PITRM1: variants seen among roughly 807,000 people sequenced by gnomAD.
The protein encoded by PITRM1 is presequence protease, mitochondrial.
Under a neutral mutation model 129.9 loss-of-function variants are expected in PITRM1, and 100 were observed. The observed-to-expected ratio is 0.77, with a 90% CI of 0.65 to 0.91. PITRM1 has a LOEUF of 0.91. Ranked by LOEUF, PITRM1 falls within the 40% of genes least tolerant of loss-of-function variation. PITRM1 has a pLI of 0.00. For missense variants in PITRM1, 1,471 were observed against 1,318.3 expected (o/e 1.12, Z -1.79); for synonymous variants, 591 against 508.8 (o/e 1.16, Z -2.17).
chr10:3,144,815 A>C (rs896787361), intron 21 of PITRM1, among the ~76,000 whole-genome samples: 1 of 152,234 alleles, frequency 6.6e-6, no homozygotes, highest in African/African-American at 2.4e-5. Flanking sequence ...AAAATAACAA[A>C]AACTAAAAAA....
intron 8 of PITRM1, 75 bp from the exon 9 acceptor site, chr10:3,160,011 C>T (rs188203117): frequency 2.3e-5 from 29 of 1,239,410 alleles, no homozygotes; most frequent in South Asian, 5.2e-5. Context: ...TCTGGATACA[C>T]GAAATGGAGC....
rs148075535 is a variant in PITRM1 at position 3,150,142 on chromosome 10, C to T, written c.1739-389G>A. The stretch of plus-strand genomic sequence containing the variant: ...CAGGCCCTGCCACCCTCTGGCCCCA[C>T]AACAGAAGGCTGCCCCAGGGCCCCA... On this transcript the variant is annotated intron_variant, in intron 15 of 26. Coordinates refer to ENST00000224949, the MANE Select transcript of PITRM1 (RefSeq NM_014889.4). 2.7e-3 allele frequency among the ~76,000 whole-genome samples: 404 copies of T among 152,222 alleles called. 4 individuals carry two copies. The highest frequency in any genetic ancestry group is 0.017 in the Middle Eastern group (5 of 294).
rs570447323 is a variant in PITRM1 at position 3,147,625 on chromosome 10, G to A, written c.2182C>T (p.Arg728Trp). 45 of 1,614,006 alleles carry A rather than the reference G, an allele frequency of 2.8e-5. No homozygotes were observed. The East Asian group carries it at 2.9e-4, about 10-fold the overall frequency. Residue 728 changes from arginine to tryptophan, a missense_variant, in exon 19 of 27, where the codon CGG (arginine) becomes TGG (tryptophan). Physicochemically the swap from Arg to Trp is moderately radical, Grantham distance 101. Coordinates refer to ENST00000224949, the MANE Select transcript of PITRM1 (RefSeq NM_014889.4). ...GHLYASIRAG[R>W]TLTPAGDLQE... ...AGGTCCCCTGCGGGCGTGAGGGTCC[G>A]GCCTGCCCTGATGGATGCGTACAGG...
chr10:3,144,738 A>C (rs1840670377), intron 21 of PITRM1, among the ~76,000 whole-genome samples: 1 of 152,140 alleles, frequency 6.6e-6, no homozygotes, highest in South Asian at 2.1e-4. Flanking sequence ...CCAGGAGGTC[A>C]CGGCTACAGC....
chr10:3,161,941 A>C (rs967014369), intron 7 of PITRM1, among the ~76,000 whole-genome samples: 1 of 151,862 alleles, frequency 6.6e-6, no homozygotes, highest in African/African-American at 2.4e-5. Context: ...TTGGGAGGTC[A>C]AGGTGGGCAG....
In PITRM1 at chr10:3,138,764, C is replaced by CA. The variant is rs778489586; in HGVS notation, c.2917+139dup. ...ATGTCAGGAAGCGTGTTTAGGGTGT[C>CA]AGACGTGGAAATCGTATCACAAGCA... On this transcript the variant is annotated intron_variant, in intron 25 of 26. Coordinates refer to ENST00000224949, the MANE Select transcript of PITRM1 (RefSeq NM_014889.4). 1.3e-5 allele frequency: 11 copies of CA among 846,804 alleles called. No individual in the cohort carries two copies. The African/African-American group carries it at 1.8e-4, about 14-fold the overall frequency. 52.5% of individuals were successfully genotyped at this position (846,804 alleles called of 1,614,324 possible).
Position 3,156,918 on chromosome 10 carries a change from C to T in PITRM1, c.1482+12G>A. 6.7e-7 allele frequency: 1 copy of T among 1,502,278 alleles called. No homozygotes were observed. The highest frequency in any genetic ancestry group is 8.9e-7 in the Non-Finnish European group (1 of 1,120,060). The allele number at this position is 1,502,278 out of a possible 1,614,324, so 93.1% of individuals were successfully genotyped here. A position where few individuals can be genotyped will look rare whatever the true frequency, so the allele number is the denominator to read the frequency against. ...TTCAAAATTAGAGAAATGAATTATCCAACTTTCTTACCTTAAAATACTGTT... is the reference window on the plus strand; with the variant it reads ...TTCAAAATTAGAGAAATGAATTATCTAACTTTCTTACCTTAAAATACTGTT... On this transcript the variant is annotated intron_variant, in intron 13 of 26. Transcript: ENST00000224949.
chr10:3,148,613 T>C (rs1841167169), intron 16 of PITRM1: 2 of 261,668 alleles, frequency 7.6e-6, no homozygotes, highest in Non-Finnish European at 1.5e-5. Context: ...CTTCAATAAA[T>C]GTTTTATGAC....
Position 3,163,951 on chromosome 10 carries a change from C to T in PITRM1, c.631-66G>A, listed in dbSNP as rs181376143. 1.8e-4 allele frequency: 184 copies of T among 998,698 alleles called. No individual in the cohort carries two copies. In the African/African-American group the frequency reaches 1.9e-3, roughly 10 times the overall value. 61.9% of individuals were successfully genotyped at this position (998,698 alleles called of 1,614,324 possible). A position where few individuals can be genotyped will look rare whatever the true frequency, so the allele number is the denominator to read the frequency against. On this transcript the variant is annotated intron_variant, in intron 6 of 26. Transcript: ENST00000224949. ...AATAATACACACGTTACATTACTTACAATATAGCCAATTGATCACATTCTG... is the reference window on the plus strand; with the variant it reads ...AATAATACACACGTTACATTACTTATAATATAGCCAATTGATCACATTCTG...
At position 3,137,891 on chromosome 10, in the gene PITRM1, T is replaced by A; in HGVS notation, c.*140A>T. ...TGGTCACTCTTAAGATAGATCTGAG[T>A]TTTTGACTCGCCAGTCAAGGGCTTT... On this transcript the variant is annotated 3_prime_UTR_variant, in exon 27 of 27. Coordinates refer to ENST00000224949, the MANE Select transcript of PITRM1 (RefSeq NM_014889.4). 5 of 612,910 alleles carry A rather than the reference T, an allele frequency of 8.2e-6. No individual in the cohort carries two copies. The highest frequency in any genetic ancestry group is 2.9e-5 in the Admixed American group (1 of 34,758). The allele number at this position is 612,910 out of a possible 1,614,324, so 38.0% of individuals were successfully genotyped here. A position where few individuals can be genotyped will look rare whatever the true frequency, so the allele number is the denominator to read the frequency against.
At position 3,147,897 on chromosome 10, in the gene PITRM1, AC is replaced by A; in HGVS notation, c.2069+89del. On this transcript the variant is annotated intron_variant, in intron 18 of 26. Transcript: ENST00000224949. ...AAAGTCAGACTTGGAAAACAACAACACACACGAGTAAAACTGTCTCCTTTAA... is the reference window on the plus strand; with the variant it reads ...AAAGTCAGACTTGGAAAACAACAACAACACGAGTAAAACTGTCTCCTTTAA... 4 of 1,211,136 alleles carry A rather than the reference AC, an allele frequency of 3.3e-6. No homozygotes were observed. In the South Asian group the frequency reaches 5.0e-5, roughly 15 times the overall value. The allele number at this position is 1,211,136 out of a possible 1,614,324, so 75.0% of individuals were successfully genotyped here.
chr10:3,166,380 G>A lies in PITRM1; in HGVS notation c.267C>T (p.Ser89=), dbSNP rs369920121. 2.0e-6 allele frequency: 3 copies of A among 1,506,968 alleles called. No homozygotes were observed. The highest frequency in any genetic ancestry group is 1.4e-5 in the African/African-American group (1 of 72,650). 93.3% of individuals were successfully genotyped at this position (1,506,968 alleles called of 1,614,324 possible). Residue 89 remains serine (S), a splice_region_variant and synonymous_variant, in exon 4 of 27, where the codon AGC becomes AGT. Transcript: ENST00000224949. ...CCATGGGAGTAGTACGGAACTGCACGCTAGGGAAGGAGAATGACCAGAACG... is the reference window on the plus strand; with the variant it reads ...CCATGGGAGTAGTACGGAACTGCACACTAGGGAAGGAGAATGACCAGAACG... ...LAREDTNNLF[S]VQFRTTPMDS...
intron 7 of PITRM1, among the ~76,000 whole-genome samples, chr10:3,161,405 T>C (rs1427224130): frequency 6.6e-6 from 1 of 152,206 alleles, no homozygotes; most frequent in Non-Finnish European, 1.5e-5. Context: ...ATGACAGAAT[T>C]TATCTTTTTC....
chr10:3,139,857 TTC>T (rs1840002082), intron 24 of PITRM1, among the ~76,000 whole-genome samples: 1 of 152,240 alleles, frequency 6.6e-6, no homozygotes, highest in African/African-American at 2.4e-5. Context: ...GGAATACATG[TTC>T]TCTTAGGCAG....
chr10:3,157,895 A>G (rs556380287), intron 11 of PITRM1, 145 bp downstream of exon 11: 1 of 659,780 alleles, frequency 1.5e-6, no homozygotes, highest in African/African-American at 1.8e-5. Context: ...GGTAGCAGAG[A>G]TAATATTTAA....
intron 13 of PITRM1, 22 bp from the exon 14 acceptor site, chr10:3,155,751 C>A: frequency 6.2e-7 from 1 of 1,612,734 alleles, no homozygotes; most frequent in Non-Finnish European, 8.5e-7. Flanking sequence ...ACAGCAACAA[C>A]AAAAGCCAAG....
rs1839686831 is a variant in PITRM1 at position 3,137,823 on chromosome 10, A to G, written c.*208T>C. 1 of 563,162 alleles carries G rather than the reference A, an allele frequency of 1.8e-6. No individual in the cohort carries two copies. Among genetic ancestry groups the G allele is most frequent in the Non-Finnish European group, 3.2e-6 (1 of 314,350 alleles). The allele number at this position is 563,162 out of a possible 1,614,324, so 34.9% of individuals were successfully genotyped here. ...ACAAAGTGAAAATTCTACATGGTGCATCTTTGGCGCTTCATGCATGATTAT... is the reference window on the plus strand; with the variant it reads ...ACAAAGTGAAAATTCTACATGGTGCGTCTTTGGCGCTTCATGCATGATTAT... On this transcript the variant is annotated 3_prime_UTR_variant, in exon 27 of 27. Coordinates refer to ENST00000224949, the MANE Select transcript of PITRM1 (RefSeq NM_014889.4).
At chr10:3,147,442 T>G (rs555784806) in intron 19 of PITRM1, 130 bp downstream of exon 19, 2 of 1,155,338 alleles carry the variant, frequency 1.7e-6, no homozygotes, top group African/African-American at 3.0e-5. Flanking sequence ...ACCAACCAAT[T>G]CTTCCCCATA....
At chr10:3,143,689 G>A in intron 22 of PITRM1, 188 bp from the exon 23 acceptor site, 1 of 710,574 alleles carries the variant, frequency 1.4e-6, no homozygotes, top group Non-Finnish European at 2.6e-6. Flanking sequence ...GCGAGAGCAA[G>A]GCACTGCAGT....
Sources: gnomAD v4.1 joint callset for allele counts (sites outside exome capture counted in the v4.1 genomes callset) on GRCh38, gnomAD v4.1.1 for gene constraint, MANE v1.5 for transcripts, NCBI Gene and HGNC (gene_info 2026-07-23, HGNC 2026-07-21) for gene names.